SNED1: variants seen among roughly 807,000 people sequenced by gnomAD.
The protein encoded by SNED1 is sushi, nidogen and EGF-like domain-containing protein 1.
Under a neutral mutation model 166.7 loss-of-function variants are expected in SNED1, and 81 were observed. That is an observed-to-expected ratio of 0.49 (90% CI 0.41 to 0.58). The LOEUF (loss-of-function observed/expected upper bound fraction) is 0.58. SNED1 is among the 20% of genes least tolerant of loss of function. The probability of loss-of-function intolerance (pLI) is 0.00; values close to 1 mark genes in which losing one functional copy is unlikely to be tolerated. For synonymous variants in SNED1, 762 were observed against 822.0 expected (o/e 0.93, Z 1.25); for missense variants, 1,604 against 2,000.2 (o/e 0.80, Z 3.78).
In SNED1 at chr2:241,051,747, G is replaced by T; in HGVS notation, c.1739G>T (p.Arg580Leu). ...GFHGKHCEKA[R>L]PHLCSSGPCR... Reference sequence around the variant, plus strand: ...GCCTCTCTGTCCTTCCACACAGCCCGGCCACACCTGTGCAGCTCAGGGCCC... The same window carrying T: ...GCCTCTCTGTCCTTCCACACAGCCCTGCCACACCTGTGCAGCTCAGGGCCC... Residue 580 changes from arginine to leucine, a missense_variant, in exon 13 of 32, where the codon CGG becomes CTG. Coordinates refer to ENST00000310397, the MANE Select transcript of SNED1 (RefSeq NM_001080437.3). The surrounding 1 kb of genome is among the most constrained non-coding windows in gnomAD (Gnocchi z 4.7). 1 of 1,503,224 alleles carries T rather than the reference G, an allele frequency of 6.7e-7. No homozygotes were observed. Among genetic ancestry groups the T allele is most frequent in the Non-Finnish European group, 8.9e-7 (1 of 1,124,152 alleles). 93.1% of individuals were successfully genotyped at this position (1,503,224 alleles called of 1,614,324 possible).
chr2:241,062,372 C>A (rs768604998), intron 16 of SNED1, among the ~76,000 whole-genome samples: 1 of 152,146 alleles, frequency 6.6e-6, no homozygotes, highest in Admixed American at 6.6e-5. Context: ...GCACAACTCC[C>A]GCTTGAAAAG....
chr2:241,012,132 A>G, intron 1 of SNED1, among the ~76,000 whole-genome samples: 1 of 150,384 alleles, frequency 6.6e-6, no homozygotes, highest in East Asian at 1.9e-4. Flanking sequence ...AAGGAAGAGC[A>G]TGGGGGGTGC....
At chr2:241,030,871 T>A (rs551080255) in intron 2 of SNED1, among the ~76,000 whole-genome samples, 46 of 152,328 alleles carry the variant, frequency 3.0e-4, no homozygotes, top group African/African-American at 1.0e-3. Flanking sequence ...CTCAAAAGGT[T>A]AGACTGGAAG....
intron 2 of SNED1, among the ~76,000 whole-genome samples, chr2:241,033,168 C>A (rs2061240275): frequency 6.6e-6 from 1 of 152,158 alleles, no homozygotes; most frequent in South Asian, 2.1e-4. Flanking sequence ...TGGTGAAAGG[C>A]AGGACCCTGA....
chr2:241,012,445 G>A (rs1320569824), intron 1 of SNED1, among the ~76,000 whole-genome samples: 2 of 152,206 alleles, frequency 1.3e-5, no homozygotes, highest in Admixed American at 6.5e-5. Flanking sequence ...CTGTGAAAGC[G>A]CCTTCTCACA....
chr2:241,063,725 C>CT, intron 18 of SNED1, 25 bp downstream of exon 18: 2 of 1,471,700 alleles, frequency 1.4e-6, no homozygotes, highest in Non-Finnish European at 1.9e-6. Context: ...CAGTGGGCCC[C>CT]ACATGCAGAG....
chr2:241,086,346 C>T (rs1418619512), intron 29 of SNED1, among the ~76,000 whole-genome samples: 1 of 120,584 alleles, frequency 8.3e-6, no homozygotes, highest in Non-Finnish European at 1.7e-5. Flanking sequence ...TCCTCCTCTG[C>T]ATAGTTCCCT....
intron 2 of SNED1, among the ~76,000 whole-genome samples, chr2:241,031,691 C>T (rs1184054964): frequency 2.0e-5 from 3 of 152,264 alleles, no homozygotes; most frequent in Non-Finnish European, 4.4e-5. Context: ...GGCTCTAGTC[C>T]GCCCTGTCCC....
chr2:241,012,397 C>A (rs957349176), intron 1 of SNED1, among the ~76,000 whole-genome samples: 1 of 152,260 alleles, frequency 6.6e-6, no homozygotes, highest in African/African-American at 2.4e-5. Context: ...CTGCCACCGC[C>A]CCACCCTGCA....
At chr2:241,065,108 C>T (rs1180279255) in intron 20 of SNED1, among the ~76,000 whole-genome samples, 151 bp downstream of exon 20, 2 of 152,072 alleles carry the variant, frequency 1.3e-5, no homozygotes. Flanking sequence ...CCCCGGTGGG[C>T]TTGAAACACG....
intron 31 of SNED1, chr2:241,090,042 G>C: frequency 6.5e-7 from 1 of 1,542,886 alleles, no homozygotes; most frequent in Non-Finnish European, 8.7e-7. Flanking sequence ...TAATAAATTA[G>C]TCCTGCAATA....
chr2:241,053,363 C>T, intron 16 of SNED1, 37 bp downstream of exon 16: 1 of 1,522,466 alleles, frequency 6.6e-7, no homozygotes, highest in Non-Finnish European at 8.8e-7. Flanking sequence ...GCAGGTGGGG[C>T]CCACACCCTC....
intron 16 of SNED1, among the ~76,000 whole-genome samples, chr2:241,053,875 T>G (rs2061958008): frequency 6.6e-6 from 1 of 152,226 alleles, no homozygotes; most frequent in South Asian, 2.1e-4. Flanking sequence ...ATTAACACCC[T>G]GCAGGTGCAT....
chr2:241,017,907 A>G (rs2060646304), intron 1 of SNED1, among the ~76,000 whole-genome samples: 1 of 152,216 alleles, frequency 6.6e-6, no homozygotes. Context: ...CGCCACCGTC[A>G]ATAATTACAG....
In SNED1 at chr2:241,036,778, CTA is replaced by C. The variant is rs763052496; in HGVS notation, c.806-10_806-9del. 6.2e-7 allele frequency: 1 copy of C among 1,606,344 alleles called. No individual in the cohort carries two copies. The highest frequency in any genetic ancestry group is 8.5e-7 in the Non-Finnish European group (1 of 1,179,496). On this transcript the variant is annotated splice_polypyrimidine_tract_variant and intron_variant, in intron 4 of 31. Coordinates refer to ENST00000310397, the MANE Select transcript of SNED1 (RefSeq NM_001080437.3). ...CAGCGGCTGAGGCTCCAGCCCCTCC[CTA>C]TGTCTGCAGCGTCCGTGTGCCTGGC... is the stretch of plus-strand genomic sequence containing the variant.
chr2:241,041,189 G>A (rs2061511729), intron 8 of SNED1: 1 of 189,024 alleles, frequency 5.3e-6, no homozygotes, highest in Non-Finnish European at 1.1e-5. Flanking sequence ...GGAGGGTGGG[G>A]CAGGAGCGGG....
At chr2:241,053,079 CGGGCAGAG>C in intron 15 of SNED1, 66 bp from the exon 16 acceptor site, 1 of 1,428,590 alleles carries the variant, frequency 7.0e-7, no homozygotes, top group Non-Finnish European at 9.5e-7. Flanking sequence ...GCAGTCGGGT[CGGGCAGAG>C]GCAGGGCGGT....
At chr2:241,071,944 G>T (rs1430888774) in intron 26 of SNED1, 66 bp downstream of exon 26, 1 of 1,304,996 alleles carries the variant, frequency 7.7e-7, no homozygotes, top group African/African-American at 1.5e-5. Context: ...ACTCTCACCA[G>T]GTCCTGTCCC....
chr2:241,001,555 C>CGCCGAGGAGTGTGGCGT (rs2060078104), intron 1 of SNED1, among the ~76,000 whole-genome samples: 1 of 152,238 alleles, frequency 6.6e-6, no homozygotes. Context: ...GAGCGTGGCG[C>CGCCGAGGAGTGTGGCGT]GCCGAGGAGT....
Sources: gnomAD v4.1 joint callset for allele counts (sites outside exome capture counted in the v4.1 genomes callset) on GRCh38, gnomAD v4.1.1 for gene constraint, Gnocchi (gnomAD v3.1) non-coding constraint, MANE v1.5 for transcripts, NCBI Gene and HGNC (gene_info 2026-07-23, HGNC 2026-07-21) for gene names.